The following DGKB variants were observed in gnomAD, a reference collection of about 807,000 sequenced individuals.
DGKB encodes the protein diacylglycerol kinase beta, also known as 90 kDa diacylglycerol kinase.
DGKB carries 67 observed loss-of-function variants against 114.3 expected under a neutral mutation model. The ratio of observed to expected loss-of-function variants is 0.59; its 90% CI spans 0.48 to 0.72. The LOEUF (loss-of-function observed/expected upper bound fraction) is 0.72. Among genes scored for constraint, DGKB ranks in the 30% least tolerant of loss-of-function variants. The pLI is 0.00. For missense variants in DGKB, 907 were observed against 975.2 expected, an observed-to-expected ratio of 0.93 and a Z score of 0.93; for synonymous variants, 398 against 323.1, an observed-to-expected ratio of 1.23 and a Z score of -2.49.
chr7:14,835,993 C>T (rs557625657), intron 2 of DGKB, among the ~76,000 whole-genome samples: 28 of 152,166 alleles, frequency 1.8e-4, no homozygotes, highest in East Asian at 7.7e-4. Flanking sequence ...TTTAGTATGA[C>T]GCTGATTATA....
intron 1 of DGKB, among the ~76,000 whole-genome samples, chr7:14,865,423 T>C (rs1851566171): frequency 6.6e-6 from 1 of 152,210 alleles, no homozygotes; most frequent in South Asian, 2.1e-4. Context: ...ATCTCATTTA[T>C]AATTCTAGCT....
At chr7:14,454,293 T>A (rs569092231) in intron 21 of DGKB, among the ~76,000 whole-genome samples, 1 of 152,232 alleles carries the variant, frequency 6.6e-6, no homozygotes, top group Non-Finnish European at 1.5e-5. Context: ...AATTTGAAAA[T>A]ACTTCCCTAT....
At chr7:14,600,493 C>G (rs1803346576) in intron 17 of DGKB, among the ~76,000 whole-genome samples, 1 of 152,168 alleles carries the variant, frequency 6.6e-6, no homozygotes, top group Non-Finnish European at 1.5e-5. Flanking sequence ...AGTCCAGAGT[C>G]TCCTCTAACC....
intron 1 of DGKB, among the ~76,000 whole-genome samples, chr7:14,856,377 AT>A (rs1586943802): frequency 6.6e-6 from 1 of 152,196 alleles, no homozygotes; most frequent in African/African-American, 2.4e-5. Flanking sequence ...GTAAGCCTAT[AT>A]TTTATTCCAC....
chr7:14,381,770 C>T (rs1203041371), intron 21 of DGKB, among the ~76,000 whole-genome samples: 1 of 152,164 alleles, frequency 6.6e-6, no homozygotes, highest in Non-Finnish European at 1.5e-5. Context: ...CCACTGTGCC[C>T]AGCTTCCTCC....
intron 1 of DGKB, among the ~76,000 whole-genome samples, chr7:14,951,863 A>T (rs1257419396): frequency 6.6e-6 from 1 of 152,032 alleles, no homozygotes; most frequent in Non-Finnish European, 1.5e-5. Flanking sequence ...CAAGTTAAAA[A>T]AATCTGTTCC....
chr7:14,783,376 T>G (rs1839406623), intron 2 of DGKB, among the ~76,000 whole-genome samples: 1 of 152,220 alleles, frequency 6.6e-6, no homozygotes, highest in South Asian at 2.1e-4. Flanking sequence ...TACTCCTGAA[T>G]TACTGATCAC....
At chr7:14,245,512 A>G (rs986282944) in intron 23 of DGKB, among the ~76,000 whole-genome samples, 1 of 152,224 alleles carries the variant, frequency 6.6e-6, no homozygotes, top group African/African-American at 2.4e-5. Flanking sequence ...GCAGCCTCCA[A>G]CATTCAAATA....
chr7:14,905,990 A>T (rs150390830), upstream of DGKB, among the ~76,000 whole-genome samples: 4 of 152,156 alleles, frequency 2.6e-5, no homozygotes, highest in South Asian at 2.1e-4. Context: ...TTTCATATCT[A>T]TCACTCACAG....
At chr7:14,315,257 G>C (rs1344847061) in intron 23 of DGKB, among the ~76,000 whole-genome samples, 1 of 150,404 alleles carries the variant, frequency 6.6e-6, no homozygotes, top group Non-Finnish European at 1.5e-5. Flanking sequence ...ACATCATAAT[G>C]ACAGCATCAA....
At chr7:14,926,776 T>C (rs79819748) in intron 1 of DGKB, among the ~76,000 whole-genome samples, 6,906 of 152,088 alleles carry the variant, frequency 0.045, 542 homozygotes, top group African/African-American at 0.16. Flanking sequence ...TTATTTCTTC[T>C]AGCTCTTGTT....
chr7:14,929,179 T>C (rs1784884810), intron 1 of DGKB, among the ~76,000 whole-genome samples: 1 of 152,094 alleles, frequency 6.6e-6, no homozygotes, highest in South Asian at 2.1e-4. Context: ...TTGTGAATAA[T>C]GCTGTCATCA....
intron 23 of DGKB, among the ~76,000 whole-genome samples, chr7:14,278,300 G>A (rs1313960162): frequency 6.6e-6 from 1 of 152,144 alleles, no homozygotes; most frequent in Non-Finnish European, 1.5e-5. Flanking sequence ...CAGGCATACA[G>A]ACCAATGGAA....
intron 15 of DGKB, among the ~76,000 whole-genome samples, chr7:14,618,125 C>G (rs950307024): frequency 1.8e-4 from 27 of 151,208 alleles, no homozygotes; most frequent in Middle Eastern, 6.8e-3. Flanking sequence ...GACATACACA[C>G]ACACACACAC....
At chr7:14,411,251 A>G (rs1563126706) in intron 21 of DGKB, among the ~76,000 whole-genome samples, 1 of 152,182 alleles carries the variant, frequency 6.6e-6, no homozygotes, top group Non-Finnish European at 1.5e-5. Flanking sequence ...ACTAACCTAT[A>G]ATGTTTGGTC....
chr7:14,825,569 G>C (rs1369191453), intron 2 of DGKB, among the ~76,000 whole-genome samples: 1 of 152,060 alleles, frequency 6.6e-6, no homozygotes, highest in Non-Finnish European at 1.5e-5. Context: ...ACTCTGACAG[G>C]AGGCGAGGCT....
intron 1 of DGKB, among the ~76,000 whole-genome samples, chr7:14,937,517 T>C (rs917697068): frequency 4.6e-5 from 7 of 152,266 alleles, no homozygotes; most frequent in African/African-American, 1.7e-4. Flanking sequence ...ATTTGCAAAA[T>C]AGGAAGATGA....
chr7:14,749,471 T>C (rs1833816665), intron 4 of DGKB, among the ~76,000 whole-genome samples: 1 of 152,166 alleles, frequency 6.6e-6, no homozygotes, highest in Non-Finnish European at 1.5e-5. Context: ...ATTAGAAATA[T>C]ATTATTTTAG....
chr7:14,416,993 A>G lies in DGKB; in HGVS notation c.1835+61168T>C, dbSNP rs183450333. On this transcript the variant is annotated intron_variant, in intron 21 of 25. Transcript: ENST00000402815. ...CTTCCTTAGTGTAAGCAATCCAACAATGAAATATTCTCACAGTTACTGTAC... is the reference window on the plus strand; with the variant it reads ...CTTCCTTAGTGTAAGCAATCCAACAGTGAAATATTCTCACAGTTACTGTAC... 6.6e-4 allele frequency among the ~76,000 whole-genome samples: 101 copies of G among 152,208 alleles called. 1 individual carries two copies. Among genetic ancestry groups the G allele is most frequent in the African/African-American group, 2.4e-3 (98 of 41,576 alleles).
Sources: allele counts gnomAD v4.1 joint callset (sites outside exome capture counted in the v4.1 genomes callset), GRCh38; gene constraint gnomAD v4.1.1; transcripts MANE v1.5; gene names NCBI Gene and HGNC (gene_info 2026-07-23, HGNC 2026-07-21).